Variants in MORC2 observed in about 807,000 individuals in gnomAD.
The protein encoded by MORC2 is ATPase MORC2.
Under a neutral mutation model 136.0 loss-of-function variants are expected in MORC2, and 30 were observed. The ratio of observed to expected loss-of-function variants is 0.22; its 90% confidence interval spans 0.17 to 0.30. MORC2 has a LOEUF of 0.30. MORC2 is among the 10% of genes least tolerant of loss of function. The probability of loss-of-function intolerance (pLI) is 1.00; values close to 1 mark genes in which losing one functional copy is unlikely to be tolerated. For missense variants in MORC2, 922 were observed against 1,333.1 expected, an observed-to-expected ratio of 0.69 and a Z score of 4.80; for synonymous variants, 439 against 487.0, an observed-to-expected ratio of 0.90 and a Z score of 1.30.
chr22:30,941,565 A>G lies in MORC2; in HGVS notation c.699-7T>C, dbSNP rs200780161. On this transcript the variant is annotated splice_polypyrimidine_tract_variant and splice_region_variant and intron_variant, in intron 8 of 25. Coordinates refer to ENST00000397641, the MANE Select transcript of MORC2 (RefSeq NM_001303256.3). This position sits in a 1 kb window ranked among gnomAD's most constrained non-coding sequence, Gnocchi z 4.6. ...CGAGCGCCGCTCTGGCTTCCTGGAGAGGGCAAAAACAGAGAAGTGCTGTCA... is the reference window on the plus strand; with the variant it reads ...CGAGCGCCGCTCTGGCTTCCTGGAGGGGGCAAAAACAGAGAAGTGCTGTCA... 1 of 1,611,312 alleles carries G rather than the reference A, an allele frequency of 6.2e-7. No individual in the cohort carries two copies. Among genetic ancestry groups the G allele is most frequent in the East Asian group, 2.2e-5 (1 of 44,776 alleles).
Position 30,937,462 on chromosome 22 carries a change from G to A in MORC2, c.1498+121C>T. ...ACAGGGCCATCGTCAAACAGACTTGGATCCCTAGGGGACTGTAAGTCCATG... is the reference window on the plus strand; with the variant it reads ...ACAGGGCCATCGTCAAACAGACTTGAATCCCTAGGGGACTGTAAGTCCATG... On this transcript the variant is annotated intron_variant, in intron 15 of 25. Coordinates refer to ENST00000397641, the MANE Select transcript of MORC2 (RefSeq NM_001303256.3). The surrounding 1 kb of genome is among the most constrained non-coding windows in gnomAD (Gnocchi z 4.7). 7.0e-7 allele frequency: 1 copy of A among 1,436,432 alleles called. No individual in the cohort carries two copies. The highest frequency in any genetic ancestry group is 9.4e-7 in the Non-Finnish European group (1 of 1,066,732). The allele number at this position is 1,436,432 out of a possible 1,614,324, so 89.0% of individuals were successfully genotyped here. A position where few individuals can be genotyped will look rare whatever the true frequency, so the allele number is the denominator to read the frequency against.
intron 24 of MORC2, chr22:30,929,998 A>G: frequency 6.6e-6 from 1 of 152,178 alleles, no homozygotes; most frequent in Non-Finnish European, 1.5e-5. Flanking sequence ...GATTACAGGC[A>G]TGCACCACAA....
At chr22:30,961,443 A>AT (rs1327029175) in intron 1 of MORC2, among the ~76,000 whole-genome samples, 2 of 152,220 alleles carry the variant, frequency 1.3e-5, no homozygotes, top group East Asian at 3.9e-4. Context: ...TATCAAACAT[A>AT]TAAGTGACTT....
At chr22:30,967,259 T>C in intron 1 of MORC2, 1 of 986,404 alleles carries the variant, frequency 1.0e-6, no homozygotes, top group South Asian at 4.7e-5. Flanking sequence ...GGAAAGACTA[T>C]CTAAATAGAG....
Position 30,939,975 on chromosome 22 carries a change from A to C in MORC2, c.971T>G (p.Leu324Arg). Residue 324 changes from leucine to arginine, a missense_variant, in exon 11 of 26, where the codon CTC becomes CGC. By Grantham distance (102) the Leu-to-Arg change is moderately radical. Transcript: ENST00000397641. ...RTLEVRLGGD[L>R]TRDSRVMLRQ... ...GGACCTTACCCTGGAGTCCCGCGTG[A>C]GGTCTCCACCTAGGCGTACTTCTAA... 6.2e-7 allele frequency: 1 copy of C among 1,614,002 alleles called. No individual in the cohort carries two copies. The highest frequency in any genetic ancestry group is 8.5e-7 in the Non-Finnish European group (1 of 1,180,030).
chr22:30,948,473 AAGG>A (rs910207815), intron 5 of MORC2, among the ~76,000 whole-genome samples: 6 of 152,236 alleles, frequency 3.9e-5, no homozygotes, highest in Admixed American at 1.3e-4. Context: ...GGAAACATCA[AAGG>A]AGGAGAAATA....
chr22:30,942,179 A>AGC lies in MORC2; in HGVS notation c.518_519insGC (p.Tyr173Ter). ...EKFAIETELI[Y>*]KYSPFRTEEE... ...CCTCAGTGCGGAATGGAGAGTACTT[A>AGC]TAGATGAGTTCTGTCTCAATGGCAA... The change falls in exon 7 of 26, where the codon TAT (tyrosine) becomes TAGCT (stop). Residue 173 changes from tyrosine (Y) to a stop codon, truncating the protein, a stop_gained and frameshift_variant. Coordinates refer to ENST00000397641, the MANE Select transcript of MORC2 (RefSeq NM_001303256.3). LOFTEE classifies it high-confidence loss of function. 1 of 1,614,176 alleles carries AGC rather than the reference A, an allele frequency of 6.2e-7. No individual in the cohort carries two copies. The highest frequency in any genetic ancestry group is 8.5e-7 in the Non-Finnish European group (1 of 1,180,002).
chr22:30,930,845 C>T lies in MORC2; in HGVS notation c.2841+1514G>A, dbSNP rs1245924564. 5.3e-5 allele frequency among the ~76,000 whole-genome samples: 8 copies of T among 152,332 alleles called. No individual in the cohort carries two copies. In the South Asian group the frequency reaches 1.0e-3, roughly 20 times the overall value. ...CCTGGCCTCCCCCTCCCTCCAAGTG[C>T]CAGTCCTTGATCTCCACGTGCACAA... On this transcript the variant is annotated intron_variant, in intron 24 of 25. Coordinates refer to ENST00000397641, the MANE Select transcript of MORC2 (RefSeq NM_001303256.3).
Position 30,937,097 on chromosome 22 carries a change from G to T in MORC2, c.1499-60C>A. ...CGCCCACCAACTCTATCTGTAATCC[G>T]GGTTCCTCACAGGCCCACCACAATG... On this transcript the variant is annotated intron_variant, in intron 15 of 25. Coordinates refer to ENST00000397641, the MANE Select transcript of MORC2 (RefSeq NM_001303256.3). The surrounding 1 kb of genome is among the most constrained non-coding windows in gnomAD (Gnocchi z 4.7). 1 of 1,300,740 alleles carries T rather than the reference G, an allele frequency of 7.7e-7. No individual in the cohort carries two copies. Among genetic ancestry groups the T allele is most frequent in the Admixed American group, 1.8e-5 (1 of 55,750 alleles). 80.6% of individuals were successfully genotyped at this position (1,300,740 alleles called of 1,614,324 possible). A position where few individuals can be genotyped will look rare whatever the true frequency, so the allele number is the denominator to read the frequency against.
intron 1 of MORC2, chr22:30,967,104 T>C (rs2041139584): frequency 1.0e-6 from 1 of 985,128 alleles, no homozygotes; most frequent in South Asian, 4.7e-5. Context: ...ATTAAAACAC[T>C]AAAGTTTTGA....
At chr22:30,961,405 G>T (rs5753407) in intron 1 of MORC2, among the ~76,000 whole-genome samples, 61,575 of 151,952 alleles carry the variant, frequency 0.41, 13,560 homozygotes, top group East Asian at 0.67. Flanking sequence ...CTAACATTTG[G>T]TTTCAAACTT....
chr22:30,954,919 T>A (rs908801183), intron 3 of MORC2, among the ~76,000 whole-genome samples: 1 of 151,712 alleles, frequency 6.6e-6, no homozygotes, highest in East Asian at 1.9e-4. Flanking sequence ...ATACATGCTT[T>A]GGCTTGGAAA....
At chr22:30,950,281 G>T in intron 4 of MORC2, 96 bp downstream of exon 4, 1 of 1,264,006 alleles carries the variant, frequency 7.9e-7, no homozygotes, top group Non-Finnish European at 1.1e-6. Flanking sequence ...ACATAACATT[G>T]GAGGCAACAG....
chr22:30,956,270 G>C (rs1466950305), intron 3 of MORC2, among the ~76,000 whole-genome samples: 1 of 152,072 alleles, frequency 6.6e-6, no homozygotes, highest in East Asian at 1.9e-4. Flanking sequence ...CTTCCTTCCT[G>C]ACACCTCTGA....
At position 30,941,484 on chromosome 22, in the gene MORC2, T is replaced by A; in HGVS notation, c.773A>T (p.His258Leu). The change falls in exon 9 of 26, where the codon CAT becomes CTT. Residue 258 changes from histidine (H) to leucine (L), a missense_variant. By Grantham distance (99) the His-to-Leu change is moderately conservative (BLOSUM62 -3). Around this residue, in one of 9 missense-constraint regions of MORC2, gnomAD observed 261 missense variants for 354.3 expected, o/e 0.74. Transcript: ENST00000397641. The surrounding 1 kb of genome is among the most constrained non-coding windows in gnomAD (Gnocchi z 4.6). ...YIDPRMRIFIHGHKVQTKRLS... is the reference protein window; with the variant it reads ...YIDPRMRIFILGHKVQTKRLS... ...CCTCTTGGTCTGCACCTTGTGCCCATGGATGAAGATCCTCATCCGGGGATC... is the reference window on the plus strand; with the variant it reads ...CCTCTTGGTCTGCACCTTGTGCCCAAGGATGAAGATCCTCATCCGGGGATC... 1 of 1,614,090 alleles carries A rather than the reference T, an allele frequency of 6.2e-7. No homozygotes were observed.
chr22:30,953,632 G>C (rs1285815627), intron 3 of MORC2, among the ~76,000 whole-genome samples: 5 of 152,138 alleles, frequency 3.3e-5, no homozygotes, highest in African/African-American at 4.8e-5. Context: ...AGTTTCATTT[G>C]CTCCAATTTT....
chr22:30,932,393 G>C lies in MORC2; in HGVS notation c.2807C>G (p.Ala936Gly), dbSNP rs2040588360. ...SFPISKKQLS[A>G]MNSDELISFP... ...AGATATTAGCTCATCTGAATTCATAGCACTCAGCTGCTTCTTGGAGATGGG... is the reference window on the plus strand; with the variant it reads ...AGATATTAGCTCATCTGAATTCATACCACTCAGCTGCTTCTTGGAGATGGG... The change falls in exon 24 of 26, where the codon GCT (alanine) becomes GGT (glycine). Residue 936 changes from alanine (A) to glycine (G), a missense_variant. Physicochemically the swap from Ala to Gly is moderately conservative, Grantham distance 60. Coordinates refer to ENST00000397641, the MANE Select transcript of MORC2 (RefSeq NM_001303256.3). The surrounding 1 kb of genome is among the most constrained non-coding windows in gnomAD (Gnocchi z 4.4). 6.2e-7 allele frequency: 1 copy of C among 1,613,982 alleles called. No individual in the cohort carries two copies. Among genetic ancestry groups the C allele is most frequent in the African/African-American group, 1.3e-5 (1 of 74,916 alleles).
At position 30,932,520 on chromosome 22, in the gene MORC2, G is replaced by T. The variant is rs2040590027; in HGVS notation, c.2747+25C>A. The stretch of plus-strand genomic sequence containing the variant: ...GCAGAGAGCTGCTGCTGGCCCTGGG[G>T]TGGGAAGACAAAAGACACATGTACC... On this transcript the variant is annotated intron_variant, in intron 23 of 25. Coordinates refer to ENST00000397641, the MANE Select transcript of MORC2 (RefSeq NM_001303256.3). The surrounding 1 kb of genome is among the most constrained non-coding windows in gnomAD (Gnocchi z 4.4). 6.2e-7 allele frequency: 1 copy of T among 1,613,426 alleles called. No individual in the cohort carries two copies.
chr22:30,931,819 C>A (rs1036143663), intron 24 of MORC2, among the ~76,000 whole-genome samples: 1 of 152,248 alleles, frequency 6.6e-6, no homozygotes, highest in African/African-American at 2.4e-5. Context: ...GAATCTTGAG[C>A]CTCTTGAAGG....
Sources: gnomAD v4.1 joint callset for allele counts (sites outside exome capture counted in the v4.1 genomes callset) on GRCh38, gnomAD v4.1.1 for gene constraint, gnomAD v4.1.1 regional missense constraint, Gnocchi (gnomAD v3.1) non-coding constraint, MANE v1.5 for transcripts, NCBI Gene and HGNC (gene_info 2026-07-23, HGNC 2026-07-21) for gene names.